The following ZBTB20 variants were observed in gnomAD, a reference collection of about 807,000 sequenced individuals.
The protein encoded by ZBTB20 is zinc finger and BTB domain containing 20.
Under a neutral mutation model 56.9 loss-of-function variants are expected in ZBTB20, and 9 were observed. That is an observed-to-expected ratio of 0.16 (90% CI 0.10 to 0.28). ZBTB20 has a LOEUF of 0.28. Among genes scored for constraint, ZBTB20 ranks in the 10% least tolerant of loss-of-function variants. The pLI is 1.00. For missense variants in ZBTB20, 655 were observed against 1,003.0 expected (o/e 0.65, Z 4.69); for synonymous variants, 417 against 420.7 (o/e 0.99, Z 0.11).
chr3:114,553,069 C>T lies in ZBTB20; in HGVS notation c.-294-52678G>A, dbSNP rs570686178. ...CTTGAGACAGTTATATGATGTTTTG[C>T]CAAGAAAGCAACTGGGAGCAATGCC... On this transcript the variant is annotated intron_variant, in intron 6 of 11. Coordinates refer to ENST00000675478, the MANE Select transcript of ZBTB20 (RefSeq NM_001348800.3). Among the ~76,000 whole-genome samples, 6 of 152,222 alleles carry T rather than the reference C, an allele frequency of 3.9e-5. No individual in the cohort carries two copies. In the East Asian group the frequency reaches 1.2e-3, roughly 29 times the overall value.
At chr3:114,944,486 T>C (rs749598958) in intron 3 of ZBTB20, among the ~76,000 whole-genome samples, 5 of 145,576 alleles carry the variant, frequency 3.4e-5, no homozygotes, top group Non-Finnish European at 7.4e-5. Context: ...AGGATATATA[T>C]CCTGAGGAAC....
At chr3:114,878,496 A>T (rs1181432072) in intron 4 of ZBTB20, among the ~76,000 whole-genome samples, 1 of 151,958 alleles carries the variant, frequency 6.6e-6, no homozygotes, top group Non-Finnish European at 1.5e-5. Context: ...GGGGTAAAAG[A>T]GTACTTGAGT....
intron 1 of ZBTB20, among the ~76,000 whole-genome samples, chr3:115,104,092 G>C (rs1380744978): frequency 6.6e-6 from 1 of 152,206 alleles, no homozygotes; most frequent in South Asian, 2.1e-4. Flanking sequence ...ATAAGCGTAT[G>C]AAAGGGGCTC....
At chr3:114,804,412 A>G (rs569851391) in intron 4 of ZBTB20, among the ~76,000 whole-genome samples, 18 of 152,048 alleles carry the variant, frequency 1.2e-4, no homozygotes, top group Admixed American at 3.3e-4. Context: ...TAGGAGGTCT[A>G]TGTTAATTCA....
chr3:114,630,476 CGTGT>C (rs1000481703), intron 6 of ZBTB20, among the ~76,000 whole-genome samples: 2 of 152,056 alleles, frequency 1.3e-5, no homozygotes, highest in African/African-American at 4.8e-5. Flanking sequence ...TGTGTGTGTA[CGTGT>C]GTGTGTATGG....
chr3:114,533,196 G>A (rs767820405), intron 6 of ZBTB20, among the ~76,000 whole-genome samples: 2 of 152,096 alleles, frequency 1.3e-5, no homozygotes, highest in Non-Finnish European at 2.9e-5. Context: ...ACTCCTCTGA[G>A]CTAAAGGAGC....
At chr3:114,756,853 T>C (rs2068043507) in intron 5 of ZBTB20, among the ~76,000 whole-genome samples, 1 of 152,170 alleles carries the variant, frequency 6.6e-6, no homozygotes, top group African/African-American at 2.4e-5. Context: ...CTAGGTGAAA[T>C]ATTACTATGC....
chr3:114,530,692 A>G (rs1424794416), intron 6 of ZBTB20, among the ~76,000 whole-genome samples: 1 of 152,222 alleles, frequency 6.6e-6, no homozygotes, highest in East Asian at 1.9e-4. Context: ...AATTACAGGT[A>G]TTAACTACTG....
chr3:114,580,825 G>A (rs2054571786), intron 6 of ZBTB20, among the ~76,000 whole-genome samples: 1 of 151,830 alleles, frequency 6.6e-6, no homozygotes, highest in African/African-American at 2.4e-5. Context: ...GAGGGATATA[G>A]TATGTCACTG....
At chr3:114,903,356 G>A (rs2075199992) in intron 3 of ZBTB20, among the ~76,000 whole-genome samples, 1 of 152,018 alleles carries the variant, frequency 6.6e-6, no homozygotes, top group Admixed American at 6.6e-5. Flanking sequence ...TGATAAAAGG[G>A]AACTGTTAGT....
chr3:114,663,551 A>G (rs1459960800), intron 6 of ZBTB20, among the ~76,000 whole-genome samples: 1 of 151,738 alleles, frequency 6.6e-6, no homozygotes, highest in East Asian at 1.9e-4. Context: ...TTAACTTTAA[A>G]TGTAAATGGA....
At chr3:114,599,771 A>G (rs988469035) in intron 6 of ZBTB20, among the ~76,000 whole-genome samples, 1 of 152,006 alleles carries the variant, frequency 6.6e-6, no homozygotes, top group Non-Finnish European at 1.5e-5. Flanking sequence ...AACTTGCCCA[A>G]TGTCACAAAT....
intron 2 of ZBTB20, among the ~76,000 whole-genome samples, chr3:115,044,466 A>G (rs538681781): frequency 6.6e-6 from 1 of 152,360 alleles, no homozygotes; most frequent in Admixed American, 6.5e-5. Context: ...GGCTAATTTG[A>G]AAGGCAAAAT....
intron 7 of ZBTB20, among the ~76,000 whole-genome samples, chr3:114,459,935 C>T (rs182871350): frequency 2.0e-5 from 3 of 151,910 alleles, no homozygotes; most frequent in East Asian, 3.9e-4. Flanking sequence ...TTTTTAAATG[C>T]CATTTAGGAA....
In ZBTB20 at chr3:114,693,544, G is replaced by A. The variant is rs1258053683; in HGVS notation, c.-311C>T. The A allele has an allele frequency of 6.6e-6, 1 of 152,080 alleles. No individual in the cohort carries two copies. Among genetic ancestry groups the A allele is most frequent in the Admixed American group, 6.6e-5 (1 of 15,238 alleles). The allele number at this position is 152,080 out of a possible 1,614,324, so 9.4% of individuals were successfully genotyped here. A position where few individuals can be genotyped will look rare whatever the true frequency, so the allele number is the denominator to read the frequency against. On this transcript the variant is annotated 5_prime_UTR_variant, in exon 6 of 12. Transcript: ENST00000675478. ...GTTACTTACCAGACAGCAATGTCAT[G>A]AGGAATATCCTGTTAGTAATGATGA... is the stretch of plus-strand genomic sequence containing the variant.
chr3:114,515,212 C>CTACTTTCTCACT (rs2045850797), intron 6 of ZBTB20, among the ~76,000 whole-genome samples: 1 of 152,118 alleles, frequency 6.6e-6, no homozygotes, highest in Non-Finnish European at 1.5e-5. Flanking sequence ...ACTTTCTCAC[C>CTACTTTCTCACT]CTGACTTTTT....
At chr3:114,485,265 A>G (rs772311651) in intron 7 of ZBTB20, among the ~76,000 whole-genome samples, 8 of 152,242 alleles carry the variant, frequency 5.3e-5, no homozygotes, top group Non-Finnish European at 1.0e-4. Flanking sequence ...CTAAAACCCT[A>G]CACAATCCTA....
At chr3:114,676,692 A>C (rs994767209) in intron 6 of ZBTB20, among the ~76,000 whole-genome samples, 1 of 152,104 alleles carries the variant, frequency 6.6e-6, no homozygotes, top group Non-Finnish European at 1.5e-5. Context: ...CCAATGTCTA[A>C]AATTTAGTGA....
chr3:114,584,069 T>C (rs930231329), intron 6 of ZBTB20, among the ~76,000 whole-genome samples: 9 of 152,312 alleles, frequency 5.9e-5, no homozygotes, highest in African/African-American at 2.2e-4. Context: ...ATTCTACGTA[T>C]CTAATGAGAT....
Sources: gnomAD v4.1 joint callset for allele counts (sites outside exome capture counted in the v4.1 genomes callset) on GRCh38, gnomAD v4.1.1 for gene constraint, MANE v1.5 for transcripts, NCBI Gene and HGNC (gene_info 2026-07-23, HGNC 2026-07-21) for gene names.